Variants in ST8SIA2 observed in about 807,000 individuals in gnomAD.
ST8SIA2 encodes alpha-2,8-sialyltransferase 8B.
Under a neutral mutation model 37.6 loss-of-function variants are expected in ST8SIA2, and 22 were observed. The observed-to-expected ratio is 0.58, with a 90% CI of 0.42 to 0.83. The LOEUF (loss-of-function observed/expected upper bound fraction) is 0.83. ST8SIA2 is among the 40% of genes least tolerant of loss of function. ST8SIA2 has a pLI of 0.00. For missense variants in ST8SIA2, 382 were observed against 484.7 expected (o/e 0.79, Z 1.99); for synonymous variants, 205 against 201.2 (o/e 1.02, Z -0.16).
At chr15:92,403,710 T>C (rs1306650062) in intron 1 of ST8SIA2, among the ~76,000 whole-genome samples, 1 of 152,200 alleles carries the variant, frequency 6.6e-6, no homozygotes, top group African/African-American at 2.4e-5. Context: ...AGTAAATTGA[T>C]AGGGCAGGTG....
In ST8SIA2 at chr15:92,452,775, T is replaced by C. The variant is rs17600262; in HGVS notation, c.842+7846T>C. Among the ~76,000 whole-genome samples the C allele has an allele frequency of 1.4e-3, 208 of 152,296 alleles. 1 individual carries two copies. Among genetic ancestry groups the C allele is most frequent in the African/African-American group, 4.6e-3 (190 of 41,562 alleles). ...TTTAGGGAATCGAAGGGGACAAATG[T>C]TGACTTCTCAGAACAACCTGATAAG... On this transcript the variant is annotated intron_variant, in intron 5 of 5. Transcript: ENST00000268164.
intron 1 of ST8SIA2, among the ~76,000 whole-genome samples, chr15:92,408,240 C>T (rs575532067): frequency 6.6e-6 from 1 of 152,074 alleles, no homozygotes; most frequent in Non-Finnish European, 1.5e-5. Flanking sequence ...GGGGAGGATG[C>T]CTTAGGCCCA....
intron 5 of ST8SIA2, among the ~76,000 whole-genome samples, chr15:92,447,385 C>T (rs573976685): frequency 2.6e-5 from 4 of 152,264 alleles, no homozygotes; most frequent in Non-Finnish European, 4.4e-5. Flanking sequence ...CTTGAGCATA[C>T]GAAGTGTGAG....
Position 92,396,640 on chromosome 15 carries a change from C to T in ST8SIA2, c.98+2478C>T, listed in dbSNP as rs186177689. Among the ~76,000 whole-genome samples the T allele has an allele frequency of 2.7e-5, 4 of 149,670 alleles. No individual in the cohort carries two copies. In the East Asian group the frequency reaches 7.7e-4, roughly 29 times the overall value. ...TCCCGAGTAGCTGGGATTACAGGCA[C>T]CTGCCACCACACCAGGCTAATTTTT... On this transcript the variant is annotated intron_variant, in intron 1 of 5. Coordinates refer to ENST00000268164, the MANE Select transcript of ST8SIA2 (RefSeq NM_006011.4).
At chr15:92,456,280 G>T (rs147570750) in intron 5 of ST8SIA2, among the ~76,000 whole-genome samples, 1 of 152,360 alleles carries the variant, frequency 6.6e-6, no homozygotes, top group Non-Finnish European at 1.5e-5. Flanking sequence ...AGTCCTGGCA[G>T]CTGCCTAAAA....
At chr15:92,443,036 C>T (rs1440372061) in intron 4 of ST8SIA2, among the ~76,000 whole-genome samples, 1 of 152,146 alleles carries the variant, frequency 6.6e-6, no homozygotes, top group African/African-American at 2.4e-5. Context: ...GCCTGGCACA[C>T]ACCAGGGGCT....
chr15:92,442,102 A>C lies in ST8SIA2; in HGVS notation c.549-2534A>C, dbSNP rs954266579. Among the ~76,000 whole-genome samples, 9 of 152,220 alleles carry C rather than the reference A, an allele frequency of 5.9e-5. 1 individual carries two copies. Among genetic ancestry groups the C allele is most frequent in the Non-Finnish European group, 8.8e-5 (6 of 68,042 alleles). ...ACCCCTTCCTAACGCCTCCTTCTCAACTAAATGAAGCAATTCACATCTGGT... is the reference window on the plus strand; with the variant it reads ...ACCCCTTCCTAACGCCTCCTTCTCACCTAAATGAAGCAATTCACATCTGGT... On this transcript the variant is annotated intron_variant, in intron 4 of 5. Coordinates refer to ENST00000268164, the MANE Select transcript of ST8SIA2 (RefSeq NM_006011.4).
intron 1 of ST8SIA2, among the ~76,000 whole-genome samples, chr15:92,395,076 C>T (rs2049420661): frequency 6.6e-6 from 1 of 152,096 alleles, no homozygotes; most frequent in Admixed American, 6.5e-5. Context: ...GCGCCCCGCC[C>T]CGCAGCCTTC....
intron 2 of ST8SIA2, 120 bp from the exon 3 acceptor site, chr15:92,434,127 T>A (rs1479746625): frequency 1.4e-6 from 2 of 1,406,434 alleles, no homozygotes; most frequent in Admixed American, 3.4e-5. Context: ...AGGTAATAAC[T>A]GCAATTTTGC....
intron 5 of ST8SIA2, among the ~76,000 whole-genome samples, chr15:92,452,505 A>G (rs1419095942): frequency 1.3e-5 from 2 of 152,330 alleles, no homozygotes; most frequent in Middle Eastern, 3.4e-3. Flanking sequence ...CCAATTTTCT[A>G]AACAGGAGGA....
chr15:92,449,191 A>C (rs552979253), intron 5 of ST8SIA2, among the ~76,000 whole-genome samples: 15 of 152,148 alleles, frequency 9.9e-5, no homozygotes, highest in Non-Finnish European at 2.2e-4. Flanking sequence ...TACTGTTGCC[A>C]TCTTTATGTC....
intron 1 of ST8SIA2, among the ~76,000 whole-genome samples, chr15:92,416,324 C>G (rs903638920): frequency 6.7e-6 from 1 of 150,114 alleles, no homozygotes; most frequent in African/African-American, 2.5e-5. Context: ...GAGAGGACAC[C>G]GGGAGAGACA....
At chr15:92,408,424 G>A (rs913954201) in intron 1 of ST8SIA2, among the ~76,000 whole-genome samples, 4 of 152,142 alleles carry the variant, frequency 2.6e-5, no homozygotes, top group East Asian at 1.9e-4. Context: ...TGTGTGCCCC[G>A]TTGTACTTCC....
At chr15:92,454,507 T>A (rs1201243042) in intron 5 of ST8SIA2, among the ~76,000 whole-genome samples, 1 of 152,078 alleles carries the variant, frequency 6.6e-6, no homozygotes, top group African/African-American at 2.4e-5. Flanking sequence ...TTAGATGGCC[T>A]CCCTTCCCAC....
intron 1 of ST8SIA2, among the ~76,000 whole-genome samples, chr15:92,411,751 G>T (rs1008976763): frequency 6.6e-6 from 1 of 152,184 alleles, no homozygotes; most frequent in African/African-American, 2.4e-5. Context: ...GGACCAATTC[G>T]TAAGAGAATA....
chr15:92,423,641 T>A (rs1369397279), intron 1 of ST8SIA2, among the ~76,000 whole-genome samples: 1 of 152,196 alleles, frequency 6.6e-6, no homozygotes, highest in Non-Finnish European at 1.5e-5. Flanking sequence ...TGTCCTCACG[T>A]GACAGAATGG....
chr15:92,448,855 A>G (rs1250465674), intron 5 of ST8SIA2, among the ~76,000 whole-genome samples: 1 of 152,124 alleles, frequency 6.6e-6, no homozygotes, highest in Non-Finnish European at 1.5e-5. Context: ...TGAAGTCCCA[A>G]TAATGGACTG....
chr15:92,430,094 A>G lies in ST8SIA2; in HGVS notation c.144A>G (p.Leu48=). 1 of 1,614,178 alleles carries G rather than the reference A, an allele frequency of 6.2e-7. No homozygotes were observed. The highest frequency in any genetic ancestry group is 1.7e-5 in the Admixed American group (1 of 60,030). The stretch of plus-strand genomic sequence containing the variant: ...CAATCAGATCAGCTGTGAACAGCTT[A>G]CATAGCAAATCTAATAGGTTTGTAA... ...RGTIRSAVNS[L]HSKSNRAEVV... is the part of the protein sequence containing the mutation. Residue 48 remains leucine (L), a synonymous_variant, in exon 2 of 6, where the codon TTA becomes TTG. Coordinates refer to ENST00000268164, the MANE Select transcript of ST8SIA2 (RefSeq NM_006011.4).
chr15:92,426,925 C>T (rs1039377881), intron 1 of ST8SIA2, among the ~76,000 whole-genome samples: 6 of 152,006 alleles, frequency 3.9e-5, no homozygotes, highest in African/African-American at 1.4e-4. Context: ...GAAACCCCAT[C>T]TCTACTAAAA....
Sources: allele counts gnomAD v4.1 joint callset (sites outside exome capture counted in the v4.1 genomes callset), GRCh38; gene constraint gnomAD v4.1.1; transcripts MANE v1.5; gene names NCBI Gene and HGNC (gene_info 2026-07-23, HGNC 2026-07-21).